Variants in ETS2 observed in about 807,000 individuals in gnomAD.
ETS2 encodes protein C-ets-2.
A neutral mutation model predicts 54.9 loss-of-function variants in ETS2; 19 were observed. The observed-to-expected ratio is 0.35, with a 90% confidence interval of 0.24 to 0.51. The LOEUF (loss-of-function observed/expected upper bound fraction) is 0.51. Ranked by LOEUF, ETS2 falls within the 20% of genes least tolerant of loss-of-function variation. The pLI, the probability that ETS2 is intolerant of heterozygous loss-of-function variation, is 0.97. For missense variants in ETS2, 417 were observed against 593.0 expected (o/e 0.70, Z 3.08); for synonymous variants, 219 against 229.3 (o/e 0.95, Z 0.41).
chr21:38,805,445 G>C, upstream of ETS2: 1 of 1,288,522 alleles, frequency 7.8e-7, no homozygotes, highest in Non-Finnish European at 1.0e-6. This position sits in a 1 kb window ranked among gnomAD's most constrained non-coding sequence, Gnocchi z 5.2. Context: ...CCAAAGGCAG[G>C]TTTGGCGTTA....
chr21:38,815,916 T>C (rs2060931056), intron 5 of ETS2, among the ~76,000 whole-genome samples: 2 of 134,728 alleles, frequency 1.5e-5, no homozygotes, highest in Admixed American at 1.5e-4. Flanking sequence ...CTCCAGCCTG[T>C]GGGAGTGAGA....
upstream of ETS2, chr21:38,805,602 G>A: frequency 7.9e-7 from 1 of 1,261,030 alleles, no homozygotes; most frequent in Non-Finnish European, 1.0e-6. The surrounding 1 kb of genome is among the most constrained non-coding windows in gnomAD (Gnocchi z 5.2). Context: ...AGTGACAGCA[G>A]GAGGCGGAGG....
At chr21:38,816,419 G>T (rs1334048063) in intron 5 of ETS2, among the ~76,000 whole-genome samples, 1 of 152,106 alleles carries the variant, frequency 6.6e-6, no homozygotes, top group Non-Finnish European at 1.5e-5. Context: ...CATTCCTCGG[G>T]CCTGTGAGTT....
chr21:38,818,340 T>C (rs151101102), intron 6 of ETS2, 85 bp from the exon 7 acceptor site: 75 of 1,588,942 alleles, frequency 4.7e-5, no homozygotes, highest in Admixed American at 6.7e-5. Flanking sequence ...GTGTGCGGAG[T>C]GCTCACCTGT....
chr21:38,819,470 G>A (rs757598120), intron 7 of ETS2, 33 bp from the exon 8 acceptor site: 5 of 1,609,556 alleles, frequency 3.1e-6, no homozygotes, highest in Middle Eastern at 1.7e-4. Flanking sequence ...TGTCCTGGAG[G>A]AATCAAAGTA....
Position 38,819,650 on chromosome 21 carries a change from A to T in ETS2, c.959A>T (p.Gln320Leu). The T allele has an allele frequency of 6.2e-7, 1 of 1,614,218 alleles. No homozygotes were observed. The highest frequency in any genetic ancestry group is 8.5e-7 in the Non-Finnish European group (1 of 1,180,024). Residue 320 changes from glutamine (Q) to leucine (L), a missense_variant, in exon 8 of 10, where the codon CAG becomes CTG. This residue lies in a region of ETS2 where 326 missense variants were observed against 426.1 expected (regional missense o/e 0.76). Transcript: ENST00000360938. ...SFESFEDDCS[Q>L]SLCLNKPTMS... is the part of the protein sequence containing the mutation. ...GAGAGCTTCGAAGATGACTGCAGCC[A>T]GTCTCTCTGCCTCAATAAGCCAACC...
rs769999489 is a variant in ETS2, at chr21:38,817,091, G to A, written c.589G>A (p.Gly197Ser). 12 of 1,587,674 alleles carry A rather than the reference G, an allele frequency of 7.6e-6. No individual in the cohort carries two copies. In the South Asian group the frequency reaches 1.1e-4, roughly 15 times the overall value. ...VPHWINSNTL[G>S]FGTEQAPYGM... is the part of the protein sequence containing the mutation. Reference sequence around the variant, plus strand: ...TCATTGGATTAACAGCAATACATTAGGTCAGTCCGATTGATTCTGCCCTTA... The same window carrying A: ...TCATTGGATTAACAGCAATACATTAAGTCAGTCCGATTGATTCTGCCCTTA... The change falls in exon 6 of 10, where the codon GGT (glycine) becomes AGT (serine). Residue 197 changes from glycine (G) to serine (S), a missense_variant and splice_region_variant. Coordinates refer to ENST00000360938, the MANE Select transcript of ETS2 (RefSeq NM_005239.6).
At position 38,814,054 on chromosome 21, in the gene ETS2, TTTTA is replaced by T. The variant is rs1333393937; in HGVS notation, c.185-215_185-212del. Reference sequence around the variant, plus strand: ...TTTGCAAAATAGAATCAAATCTGAGTTTTATTTTAGATTTTTTTAATAAGTATAG... The same window carrying T: ...TTTGCAAAATAGAATCAAATCTGAGTTTTTAGATTTTTTTAATAAGTATAG... On this transcript the variant is annotated intron_variant, in intron 3 of 9. Transcript: ENST00000360938. This position sits in a 1 kb window ranked among gnomAD's most constrained non-coding sequence, Gnocchi z 4.2. Among the ~76,000 whole-genome samples the T allele has an allele frequency of 1.3e-5, 2 of 152,146 alleles. No homozygotes were observed. Among genetic ancestry groups the T allele is most frequent in the African/African-American group, 4.8e-5 (2 of 41,422 alleles).
intron 3 of ETS2, among the ~76,000 whole-genome samples, chr21:38,813,739 G>A (rs1039474104): frequency 6.6e-6 from 1 of 152,202 alleles, no homozygotes; most frequent in African/African-American, 2.4e-5. Flanking sequence ...CGCATACACT[G>A]GCGTAAGCAT....
Position 38,819,651 on chromosome 21 carries a change from G to A in ETS2, c.960G>A (p.Gln320=), listed in dbSNP as rs1407862810. 3 of 1,614,202 alleles carry A rather than the reference G, an allele frequency of 1.9e-6. No individual in the cohort carries two copies. Among genetic ancestry groups the A allele is most frequent in the Non-Finnish European group, 1.7e-6 (2 of 1,180,034 alleles). The change falls in exon 8 of 10, where the codon CAG becomes CAA. Residue 320 remains glutamine, a synonymous_variant. Coordinates refer to ENST00000360938, the MANE Select transcript of ETS2 (RefSeq NM_005239.6). Reference sequence around the variant, plus strand: ...AGAGCTTCGAAGATGACTGCAGCCAGTCTCTCTGCCTCAATAAGCCAACCA... The same window carrying A: ...AGAGCTTCGAAGATGACTGCAGCCAATCTCTCTGCCTCAATAAGCCAACCA... The part of the protein sequence containing the change: ...SFESFEDDCS[Q]SLCLNKPTMS...
chr21:38,808,474 G>A (rs548863871), intron 1 of ETS2, among the ~76,000 whole-genome samples: 34 of 152,258 alleles, frequency 2.2e-4, no homozygotes, highest in African/African-American at 7.9e-4. Context: ...TATTGCCAGT[G>A]CTGACCAGCC....
chr21:38,819,812 C>T (rs753819199), intron 8 of ETS2, 46 bp downstream of exon 8: 143 of 1,569,202 alleles, frequency 9.1e-5, no homozygotes, highest in Non-Finnish European at 1.1e-4. Context: ...CTCCTGGGTC[C>T]TGTCCCTTGC....
chr21:38,807,470 C>T (rs1342522603), intron 1 of ETS2, among the ~76,000 whole-genome samples: 1 of 137,578 alleles, frequency 7.3e-6, no homozygotes, highest in African/African-American at 2.7e-5. Context: ...CAACACCAAA[C>T]TTGAAATTGA....
chr21:38,814,193 A>C lies in ETS2; in HGVS notation c.185-80A>C. On this transcript the variant is annotated intron_variant, in intron 3 of 9. Transcript: ENST00000360938. This position sits in a 1 kb window ranked among gnomAD's most constrained non-coding sequence, Gnocchi z 4.2. ...GAGATCAAAATTGTTCTTTTCCAAA[A>C]ACTAAGATGTCTCTCCTAAATCTCC... The C allele has an allele frequency of 6.9e-7, 1 of 1,445,164 alleles. No individual in the cohort carries two copies. The highest frequency in any genetic ancestry group is 1.8e-4 in the Middle Eastern group (1 of 5,554). 89.5% of individuals were successfully genotyped at this position (1,445,164 alleles called of 1,614,324 possible).
At position 38,822,789 on chromosome 21, in the gene ETS2, G is replaced by A. The variant is rs762854102; in HGVS notation, c.1310G>A (p.Arg437His). The change falls in exon 10 of 10, where the codon CGC (arginine) becomes CAC (histidine). Residue 437 changes from arginine (R) to histidine (H), a missense_variant. Around this residue, in one of 3 missense-constraint regions of ETS2, gnomAD observed 60 missense variants for 134.1 expected, o/e 0.45. Transcript: ENST00000360938. Reference protein sequence around the residue: ...KNIIHKTSGKRYVYRFVCDLQ... With the variant: ...KNIIHKTSGKHYVYRFVCDLQ... ...ATCATCCACAAGACGTCGGGGAAGC[G>A]CTACGTGTACCGCTTCGTGTGCGAC... is the stretch of plus-strand genomic sequence containing the variant. The A allele has an allele frequency of 6.2e-7, 1 of 1,614,152 alleles. No individual in the cohort carries two copies. The highest frequency in any genetic ancestry group is 8.5e-7 in the Non-Finnish European group (1 of 1,180,006).
intron 3 of ETS2, among the ~76,000 whole-genome samples, chr21:38,813,735 C>T (rs2060922244): frequency 6.6e-6 from 1 of 152,218 alleles, no homozygotes; most frequent in Non-Finnish European, 1.5e-5. Context: ...AAAACGCATA[C>T]ACTGGCGTAA....
At position 38,818,408 on chromosome 21, in the gene ETS2, C is replaced by T. The variant is rs749391035; in HGVS notation, c.590-17C>T. 9.9e-6 allele frequency: 16 copies of T among 1,613,532 alleles called. No individual in the cohort carries two copies. Among genetic ancestry groups the T allele is most frequent in the Admixed American group, 5.0e-5 (3 of 60,008 alleles). ...CACTGACTTTAAGAGCTCTGCCGTC[C>T]GATTGTTCTGTTCCAGGTTTTGGCA... On this transcript the variant is annotated splice_polypyrimidine_tract_variant and intron_variant, in intron 6 of 9. Coordinates refer to ENST00000360938, the MANE Select transcript of ETS2 (RefSeq NM_005239.6).
In ETS2 at chr21:38,814,905, C is replaced by A; in HGVS notation, c.429C>A (p.Gly143=). 1 of 1,614,166 alleles carries A rather than the reference C, an allele frequency of 6.2e-7. No homozygotes were observed. The highest frequency in any genetic ancestry group is 8.5e-7 in the Non-Finnish European group (1 of 1,180,026). ...GMNGQMLCNL[G]KERFLELAPD... is the part of the protein sequence containing the mutation. ...ATGGCCAGATGCTGTGTAACCTTGG[C>A]AAGGAACGCTTTCTGGAGCTGGCAC... The change falls in exon 5 of 10, where the codon GGC becomes GGA. Residue 143 remains glycine (G), a synonymous_variant. Coordinates refer to ENST00000360938, the MANE Select transcript of ETS2 (RefSeq NM_005239.6). The surrounding 1 kb of genome is among the most constrained non-coding windows in gnomAD (Gnocchi z 4.2).
At chr21:38,822,314 G>A (rs367939760) in intron 9 of ETS2, among the ~76,000 whole-genome samples, 2 of 152,252 alleles carry the variant, frequency 1.3e-5, no homozygotes, top group Non-Finnish European at 2.9e-5. Context: ...AATCCCACTC[G>A]GCACCTGTTA....
Sources: allele counts gnomAD v4.1 joint callset (sites outside exome capture counted in the v4.1 genomes callset), GRCh38; gene constraint gnomAD v4.1.1; regional missense constraint gnomAD v4.1.1; non-coding constraint Gnocchi (gnomAD v3.1); transcripts MANE v1.5; gene names NCBI Gene and HGNC (gene_info 2026-07-23, HGNC 2026-07-21).